The following ZNF236 variants were observed in gnomAD, a reference collection of about 807,000 sequenced individuals.
ZNF236 encodes zinc finger protein 236, also known as regulated by glucose.
A neutral mutation model predicts 191.2 loss-of-function variants in ZNF236; 50 were observed. The observed-to-expected ratio is 0.26, with a 90% CI of 0.21 to 0.33. ZNF236 has a LOEUF of 0.33. Ranked by LOEUF, ZNF236 falls within the 10% of genes least tolerant of loss-of-function variation. ZNF236 has a pLI of 1.00. For missense variants in ZNF236, 1,754 were observed against 2,374.5 expected, an observed-to-expected ratio of 0.74 and a Z score of 5.43; for synonymous variants, 907 against 928.8, an observed-to-expected ratio of 0.98 and a Z score of 0.43.
chr18:76,907,701 T>C (rs957535950), intron 13 of ZNF236, among the ~76,000 whole-genome samples: 3 of 151,964 alleles, frequency 2.0e-5, no homozygotes, highest in African/African-American at 7.2e-5. Context: ...TTTTTCTTTT[T>C]TTTTTTTTTC....
intron 1 of ZNF236, among the ~76,000 whole-genome samples, chr18:76,823,442 C>T (rs978703205): frequency 1.1e-4 from 16 of 150,640 alleles, no homozygotes; most frequent in African/African-American, 3.9e-4. Context: ...ACAGTAGGCA[C>T]CATTGTGATC....
chr18:76,823,098 G>T (rs1974909433), intron 1 of ZNF236, among the ~76,000 whole-genome samples: 1 of 150,768 alleles, frequency 6.6e-6, no homozygotes, highest in South Asian at 2.1e-4. Context: ...CGGATACCGC[G>T]CCCCGGGCTC....
intron 27 of ZNF236, among the ~76,000 whole-genome samples, chr18:76,949,310 T>A (rs1170948939): frequency 6.6e-6 from 1 of 152,228 alleles, no homozygotes; most frequent in Non-Finnish European, 1.5e-5. Context: ...GTTTGTAGAG[T>A]AATCCTATGT....
chr18:76,868,688 C>T lies in ZNF236; in HGVS notation c.367C>T (p.Leu123Phe). 1 of 1,591,666 alleles carries T rather than the reference C, an allele frequency of 6.3e-7. No individual in the cohort carries two copies. The highest frequency in any genetic ancestry group is 8.6e-7 in the Non-Finnish European group (1 of 1,167,492). ...ACCGATGGGTTTTCTCTTCCAGAATCTCATCTGTTCTGAGTGTGGGGATGA... is the reference window on the plus strand; with the variant it reads ...ACCGATGGGTTTTCTCTTCCAGAATTTCATCTGTTCTGAGTGTGGGGATGA... ...HIMLHEKEENLICSECGDEFT... is the reference protein window; with the variant it reads ...HIMLHEKEENFICSECGDEFT... The change falls in exon 4 of 31, where the codon CTC becomes TTC. Residue 123 changes from leucine to phenylalanine, a missense_variant. By Grantham distance (22) the Leu-to-Phe change is conservative (BLOSUM62 0). Around this residue, in one of 5 missense-constraint regions of ZNF236, gnomAD observed 336 missense variants for 495.1 expected, o/e 0.68. Coordinates refer to ENST00000320610, the MANE Select transcript of ZNF236 (RefSeq NM_001306089.2).
intron 30 of ZNF236, among the ~76,000 whole-genome samples, chr18:76,963,548 G>T (rs1326141142): frequency 2.6e-5 from 4 of 152,078 alleles, no homozygotes; most frequent in African/African-American, 9.7e-5. Flanking sequence ...TTTTGGTTAT[G>T]TCCTGTCTTG....
intron 3 of ZNF236, among the ~76,000 whole-genome samples, chr18:76,859,982 G>A (rs1217187896): frequency 6.6e-6 from 1 of 152,188 alleles, no homozygotes; most frequent in Non-Finnish European, 1.5e-5. Context: ...ATCTGGTTGT[G>A]GAGTCTGGGC....
Position 76,880,148 on chromosome 18 carries a change from G to A in ZNF236, c.1020G>A (p.Thr340=), listed in dbSNP as rs191407784. 2.1e-5 allele frequency: 34 copies of A among 1,613,816 alleles called. No homozygotes were observed. Among genetic ancestry groups the A allele is most frequent in the African/African-American group, 1.6e-4 (12 of 74,946 alleles). ...TLFQTLPLQQ[T]EAQATSASSQ... ...TTCAGACGTTACCTCTTCAACAGACGGAAGCCCAAGCCACGTCGGCCTCAA... is the reference window on the plus strand; with the variant it reads ...TTCAGACGTTACCTCTTCAACAGACAGAAGCCCAAGCCACGTCGGCCTCAA... The change falls in exon 8 of 31, where the codon ACG becomes ACA. Residue 340 remains threonine, a synonymous_variant. Coordinates refer to ENST00000320610, the MANE Select transcript of ZNF236 (RefSeq NM_001306089.2). The surrounding 1 kb of genome is among the most constrained non-coding windows in gnomAD (Gnocchi z 5.0).
At chr18:76,843,438 G>A (rs954676221) in intron 1 of ZNF236, among the ~76,000 whole-genome samples, 2 of 152,190 alleles carry the variant, frequency 1.3e-5, no homozygotes, top group Non-Finnish European at 2.9e-5. Flanking sequence ...GCTGACAAAT[G>A]TGGCAGGAGC....
At chr18:76,852,652 AAAAG>A (rs1975912599) in intron 3 of ZNF236, among the ~76,000 whole-genome samples, 1 of 152,180 alleles carries the variant, frequency 6.6e-6, no homozygotes, top group Non-Finnish European at 1.5e-5. Context: ...AAAAAAAAGA[AAAAG>A]AAAACCTTCT....
chr18:76,852,763 C>G (rs898847201), intron 3 of ZNF236, among the ~76,000 whole-genome samples: 4 of 152,090 alleles, frequency 2.6e-5, no homozygotes, highest in Non-Finnish European at 5.9e-5. Flanking sequence ...TTACTGATAA[C>G]TATTTGGTAT....
intron 9 of ZNF236, among the ~76,000 whole-genome samples, chr18:76,891,476 G>A (rs1429607596): frequency 6.6e-6 from 1 of 152,088 alleles, no homozygotes; most frequent in Non-Finnish European, 1.5e-5. Context: ...AGGCTCAAGT[G>A]ATCCTACTGC....
chr18:76,840,775 C>CTG (rs113251935), intron 1 of ZNF236: 4,893 of 114,858 alleles, frequency 0.043, 130 homozygotes, highest in East Asian at 0.1. Flanking sequence ...TCTTTATAAC[C>CTG]TGTGTGTGTG....
chr18:76,956,222 G>A (rs1968521302), intron 28 of ZNF236, 40 bp downstream of exon 28: 1 of 1,537,682 alleles, frequency 6.5e-7, no homozygotes, highest in African/African-American at 1.4e-5. Flanking sequence ...GTGCCCCCCA[G>A]GCGGCTAGAG....
rs534040943 is a variant in ZNF236 at position 76,880,384 on chromosome 18, T to C, written c.1188+68T>C. On this transcript the variant is annotated intron_variant, in intron 8 of 30. Coordinates refer to ENST00000320610, the MANE Select transcript of ZNF236 (RefSeq NM_001306089.2). The surrounding 1 kb of genome is among the most constrained non-coding windows in gnomAD (Gnocchi z 5.0). Reference sequence around the variant, plus strand: ...CTGGGTCAGAAACCAGGGATGATAATTGAGAATAAATCTGCAGGGCTTGTC... The same window carrying C: ...CTGGGTCAGAAACCAGGGATGATAACTGAGAATAAATCTGCAGGGCTTGTC... 8 of 1,469,726 alleles carry C rather than the reference T, an allele frequency of 5.4e-6. No individual in the cohort carries two copies. In the Admixed American group the frequency reaches 1.8e-4, roughly 34 times the overall value. The allele number at this position is 1,469,726 out of a possible 1,614,324, so 91.0% of individuals were successfully genotyped here.
At chr18:76,892,167 G>GT (rs1286054787) in intron 9 of ZNF236, among the ~76,000 whole-genome samples, 2 of 22,828 alleles carry the variant, frequency 8.8e-5, no homozygotes, top group Non-Finnish European at 2.0e-4. Flanking sequence ...TTTTCTTCTG[G>GT]GTTTTTTTTT....
At chr18:76,908,681 T>C (rs1967126888) in intron 14 of ZNF236, 108 bp downstream of exon 14, 2 of 1,391,570 alleles carry the variant, frequency 1.4e-6, no homozygotes, top group Admixed American at 4.4e-5. Flanking sequence ...TTAAAACAAT[T>C]TGTGCTGTAT....
At chr18:76,835,841 C>T (rs534659965) in intron 1 of ZNF236, among the ~76,000 whole-genome samples, 1 of 152,088 alleles carries the variant, frequency 6.6e-6, no homozygotes, top group East Asian at 1.9e-4. Flanking sequence ...TCTTTCTTGC[C>T]TTCTTTTGGC....
intron 22 of ZNF236, among the ~76,000 whole-genome samples, chr18:76,926,810 G>A (rs376206847): frequency 4.5e-5 from 4 of 88,984 alleles, no homozygotes; most frequent in South Asian, 3.6e-4. Flanking sequence ...TGTGTATATG[G>A]TATAAATAAG....
intron 10 of ZNF236, among the ~76,000 whole-genome samples, chr18:76,896,522 G>A (rs1242173364): frequency 1.3e-5 from 2 of 151,940 alleles, no homozygotes; most frequent in South Asian, 2.1e-4. Context: ...ACTGCCCACA[G>A]GGACCACACA....
Sources: gnomAD v4.1 joint callset for allele counts (sites outside exome capture counted in the v4.1 genomes callset) on GRCh38, gnomAD v4.1.1 for gene constraint, gnomAD v4.1.1 regional missense constraint, Gnocchi (gnomAD v3.1) non-coding constraint, MANE v1.5 for transcripts, NCBI Gene and HGNC (gene_info 2026-07-23, HGNC 2026-07-21) for gene names.